NAALADL2: variants seen among roughly 807,000 people sequenced by gnomAD.
NAALADL2 encodes N-acetylated alpha-linked acidic dipeptidase like 2, also known as inactive N-acetylated-alpha-linked acidic dipeptidase-like protein 2.
In NAALADL2, 76 loss-of-function variants were observed where a neutral mutation model predicts 87.2. The ratio of observed to expected loss-of-function variants is 0.87; its 90% CI spans 0.72 to 1.05. The LOEUF (loss-of-function observed/expected upper bound fraction) is 1.05. NAALADL2 is among the 50% of genes least tolerant of loss of function. The pLI, the probability that NAALADL2 is intolerant of heterozygous loss-of-function variation, is 0.00. For synonymous variants in NAALADL2, 354 were observed against 331.0 expected, an observed-to-expected ratio of 1.07 and a Z score of -0.75; for missense variants, 1,089 against 945.8, an observed-to-expected ratio of 1.15 and a Z score of -1.99.
chr3:175,220,524 C>T (rs1393422687), intron 2 of NAALADL2, among the ~76,000 whole-genome samples: 1 of 151,772 alleles, frequency 6.6e-6, no homozygotes, highest in Admixed American at 6.6e-5. Context: ...CTGTTTAATA[C>T]CTGTAAGATC....
chr3:175,157,257 G>A (rs188185467), intron 2 of NAALADL2, among the ~76,000 whole-genome samples: 2 of 152,182 alleles, frequency 1.3e-5, no homozygotes, highest in African/African-American at 2.4e-5. Flanking sequence ...ATAAAATACA[G>A]CATGAACTGC....
intron 11 of NAALADL2, among the ~76,000 whole-genome samples, chr3:175,648,697 TC>T (rs1730352552): frequency 6.6e-6 from 1 of 152,194 alleles, no homozygotes; most frequent in Non-Finnish European, 1.5e-5. Flanking sequence ...CAGAGAACTT[TC>T]GTTAGATCAG....
chr3:174,869,118 C>G (rs1455969949), intron 1 of NAALADL2, among the ~76,000 whole-genome samples: 1 of 151,986 alleles, frequency 6.6e-6, no homozygotes, highest in African/African-American at 2.4e-5. Flanking sequence ...AATAGTCAAA[C>G]AGCAAGGATT....
chr3:174,669,421 T>C (rs546582807), intron 2 of NAALADL2, among the ~76,000 whole-genome samples: 1 of 152,276 alleles, frequency 6.6e-6, no homozygotes, highest in African/African-American at 2.4e-5. Context: ...TTTTTTTATA[T>C]GATATCATGT....
chr3:174,668,496 G>C (rs945098462), intron 2 of NAALADL2, among the ~76,000 whole-genome samples: 1 of 152,064 alleles, frequency 6.6e-6, no homozygotes, highest in Non-Finnish European at 1.5e-5. Context: ...ATGTATACAT[G>C]TGCCATGTTG....
intron 4 of NAALADL2, among the ~76,000 whole-genome samples, chr3:175,297,994 T>C (rs1263540618): frequency 6.6e-6 from 1 of 152,172 alleles, no homozygotes; most frequent in Non-Finnish European, 1.5e-5. Flanking sequence ...CTAATTGTTG[T>C]ATTCCAGATG....
intron 1 of NAALADL2, among the ~76,000 whole-genome samples, chr3:174,882,489 G>A (rs1052414523): frequency 2.7e-4 from 41 of 150,314 alleles, no homozygotes; most frequent in African/African-American, 9.8e-4. Flanking sequence ...ATACATATGT[G>A]CATATACATA....
At chr3:175,583,938 G>T (rs146190975) in intron 10 of NAALADL2, among the ~76,000 whole-genome samples, 2 of 152,044 alleles carry the variant, frequency 1.3e-5, no homozygotes, top group African/African-American at 2.4e-5. Context: ...TAATGTTTGC[G>T]TCAGGCATTG....
intron 11 of NAALADL2, among the ~76,000 whole-genome samples, chr3:175,732,405 T>C (rs1021723492): frequency 2.6e-5 from 4 of 152,210 alleles, no homozygotes; most frequent in African/African-American, 9.7e-5. Flanking sequence ...GCATAATAAA[T>C]GGACCTGGGA....
At chr3:175,113,655 T>C (rs1724581420) in intron 2 of NAALADL2, among the ~76,000 whole-genome samples, 1 of 151,378 alleles carries the variant, frequency 6.6e-6, no homozygotes, top group Non-Finnish European at 1.5e-5. Flanking sequence ...GCAATACTGT[T>C]TTGATCCCCA....
At chr3:174,849,036 G>A (rs1478907009) in intron 3 of NAALADL2, among the ~76,000 whole-genome samples, 1 of 152,094 alleles carries the variant, frequency 6.6e-6, no homozygotes, top group Non-Finnish European at 1.5e-5. Flanking sequence ...AGAAAAATAT[G>A]ATATAAAAGA....
At chr3:175,277,728 C>A (rs1753780761) in intron 4 of NAALADL2, among the ~76,000 whole-genome samples, 1 of 152,076 alleles carries the variant, frequency 6.6e-6, no homozygotes, top group South Asian at 2.1e-4. Context: ...CTTAAATAAT[C>A]TGAGATTGCA....
intron 5 of NAALADL2, among the ~76,000 whole-genome samples, chr3:175,406,210 G>A (rs990474714): frequency 2.0e-5 from 3 of 152,214 alleles, no homozygotes; most frequent in Non-Finnish European, 2.9e-5. Context: ...AGGTCAGAGA[G>A]TTGGGCAGGA....
At chr3:174,543,601 T>C (rs1011364660) in intron 1 of NAALADL2, among the ~76,000 whole-genome samples, 1 of 151,618 alleles carries the variant, frequency 6.6e-6, no homozygotes, top group African/African-American at 2.4e-5. Context: ...TCTATCCCAC[T>C]CTTTCCTACC....
At chr3:174,885,370 C>T (rs958956667) in intron 1 of NAALADL2, among the ~76,000 whole-genome samples, 2 of 152,114 alleles carry the variant, frequency 1.3e-5, no homozygotes, top group African/African-American at 2.4e-5. Context: ...GGAGAAGAAT[C>T]GCTGAGTTCA....
At chr3:174,878,493 T>C (rs955772423) in intron 1 of NAALADL2, among the ~76,000 whole-genome samples, 1 of 152,088 alleles carries the variant, frequency 6.6e-6, no homozygotes, top group African/African-American at 2.4e-5. Context: ...ATGTTTTGGA[T>C]TTGGCTTTTA....
At chr3:174,968,502 T>G (rs1743172876) in intron 1 of NAALADL2, among the ~76,000 whole-genome samples, 1 of 151,996 alleles carries the variant, frequency 6.6e-6, no homozygotes, top group Non-Finnish European at 1.5e-5. Context: ...TTTTTCTAAC[T>G]ATTTTTTTTT....
intron 1 of NAALADL2, among the ~76,000 whole-genome samples, chr3:174,449,811 A>G (rs1258479068): frequency 6.6e-6 from 1 of 152,118 alleles, no homozygotes; most frequent in South Asian, 2.1e-4. Flanking sequence ...GTCCTTCTCT[A>G]TTCTTTTTAG....
intron 2 of NAALADL2, among the ~76,000 whole-genome samples, chr3:174,678,416 T>A (rs989976705): frequency 1.3e-5 from 2 of 152,174 alleles, no homozygotes; most frequent in African/African-American, 2.4e-5. Context: ...CAGTTATACT[T>A]TATGCTTATC....
Sources: allele counts gnomAD v4.1 joint callset (sites outside exome capture counted in the v4.1 genomes callset), GRCh38; gene constraint gnomAD v4.1.1; transcripts MANE v1.5; gene names NCBI Gene and HGNC (gene_info 2026-07-23, HGNC 2026-07-21).